Variants in TRPC4 observed in about 807,000 individuals in gnomAD.
The protein encoded by TRPC4 is short transient receptor potential channel 4.
A neutral mutation model predicts 99.4 loss-of-function variants in TRPC4; 49 were observed. That is an observed-to-expected ratio of 0.49 (90% confidence interval 0.39 to 0.63). The LOEUF (loss-of-function observed/expected upper bound fraction) is 0.63. Ranked by LOEUF, TRPC4 falls within the 20% of genes least tolerant of loss-of-function variation. The pLI, the probability that TRPC4 is intolerant of heterozygous loss-of-function variation, is 0.00. For missense variants in TRPC4, 898 were observed against 1,152.9 expected (o/e 0.78, Z 3.20); for synonymous variants, 454 against 425.9 (o/e 1.07, Z -0.81).
Position 37,636,259 on chromosome 13 carries a change from A to T in TRPC4, c.*644T>A, listed in dbSNP as rs1951516430. On this transcript the variant is annotated 3_prime_UTR_variant, in exon 11 of 11. Transcript: ENST00000379705. The stretch of plus-strand genomic sequence containing the variant: ...TAAAAATCATCAGTCATCAAAATGT[A>T]TTAAGACAAACACTTCTTTTACTTA... Among the ~76,000 whole-genome samples, 1 of 152,096 alleles carries T rather than the reference A, an allele frequency of 6.6e-6. No individual in the cohort carries two copies. The highest frequency in any genetic ancestry group is 6.6e-5 in the Admixed American group (1 of 15,244).
At chr13:37,672,524 C>T (rs532947577) in intron 5 of TRPC4, among the ~76,000 whole-genome samples, 5 of 152,270 alleles carry the variant, frequency 3.3e-5, no homozygotes, top group African/African-American at 1.2e-4. Flanking sequence ...GCAAGCCCTC[C>T]TTATGATTCC....
chr13:37,655,909 CTCTTTTACTGATTT>C (rs1952215947), intron 6 of TRPC4, among the ~76,000 whole-genome samples: 1 of 152,062 alleles, frequency 6.6e-6, no homozygotes, highest in African/African-American at 2.4e-5. Flanking sequence ...AAAAAGTTTG[CTCTTTTACTGATTT>C]TGCTTTGGTT....
At chr13:37,779,932 T>A (rs368576134) in intron 2 of TRPC4, among the ~76,000 whole-genome samples, 153 of 152,210 alleles carry the variant, frequency 1.0e-3, no homozygotes, top group Non-Finnish European at 1.5e-3. Context: ...TCCAGATGAT[T>A]TAACTTCATC....
At chr13:37,844,501 G>T (rs1352941883) in intron 1 of TRPC4, among the ~76,000 whole-genome samples, 7 of 151,968 alleles carry the variant, frequency 4.6e-5, no homozygotes, top group African/African-American at 1.7e-4. Context: ...TGCCATGTTG[G>T]TCAGGCTGGT....
chr13:37,744,796 C>T (rs1438028301), intron 3 of TRPC4, among the ~76,000 whole-genome samples: 1 of 152,060 alleles, frequency 6.6e-6, no homozygotes, highest in East Asian at 1.9e-4. Flanking sequence ...TAAGAGTGAA[C>T]AGAGAACCAA....
At chr13:37,861,982 T>C (rs904105496) in intron 1 of TRPC4, among the ~76,000 whole-genome samples, 1 of 151,466 alleles carries the variant, frequency 6.6e-6, no homozygotes, top group Non-Finnish European at 1.5e-5. Context: ...AGGAGGAATG[T>C]ATCTAGTCCA....
In TRPC4 at chr13:37,636,744, G is replaced by A. The variant is rs1951529548; in HGVS notation, c.*159C>T. On this transcript the variant is annotated 3_prime_UTR_variant, in exon 11 of 11. Transcript: ENST00000379705. ...CTACAAAACAAAAAGGTTTTTGATT[G>A]CCTTTGCCTTATTTAAACATGTTAC... 2.0e-6 allele frequency: 2 copies of A among 977,526 alleles called. No homozygotes were observed. Among genetic ancestry groups the A allele is most frequent in the Non-Finnish European group, 2.8e-6 (2 of 717,266 alleles). 60.6% of individuals were successfully genotyped at this position (977,526 alleles called of 1,614,324 possible).
intron 2 of TRPC4, 126 bp downstream of exon 2, chr13:37,782,830 T>C (rs972758908): frequency 2.1e-6 from 2 of 965,342 alleles, no homozygotes; most frequent in Non-Finnish European, 2.9e-6. Flanking sequence ...ATAGTTCAGA[T>C]TTTGAAGCTT....
At chr13:37,687,412 C>T (rs189212460) in intron 4 of TRPC4, among the ~76,000 whole-genome samples, 83 of 152,242 alleles carry the variant, frequency 5.5e-4, no homozygotes, top group African/African-American at 1.8e-3. Context: ...TTGTTACAAT[C>T]GGAGTTAGAA....
At chr13:37,813,204 G>A (rs1274255372) in intron 1 of TRPC4, among the ~76,000 whole-genome samples, 3 of 151,666 alleles carry the variant, frequency 2.0e-5, no homozygotes, top group African/African-American at 7.3e-5. Flanking sequence ...AATTTTATGA[G>A]ATAAATACAA....
intron 3 of TRPC4, among the ~76,000 whole-genome samples, chr13:37,719,435 A>G (rs886318648): frequency 1.4e-4 from 21 of 152,312 alleles, no homozygotes; most frequent in African/African-American, 4.6e-4. Flanking sequence ...ATGTACTACA[A>G]GACATGCTAA....
intron 6 of TRPC4, among the ~76,000 whole-genome samples, chr13:37,659,629 T>C (rs1952362125): frequency 6.6e-6 from 1 of 152,004 alleles, no homozygotes; most frequent in African/African-American, 2.4e-5. Flanking sequence ...GCCTCAGATA[T>C]TAGTTTAGAA....
chr13:37,684,373 T>G (rs1953382455), intron 4 of TRPC4, among the ~76,000 whole-genome samples: 1 of 152,196 alleles, frequency 6.6e-6, no homozygotes, highest in Non-Finnish European at 1.5e-5. Flanking sequence ...TTTTTAAGTT[T>G]ACCAAGAAAG....
chr13:37,773,410 C>G (rs1274474479), intron 2 of TRPC4, among the ~76,000 whole-genome samples: 2 of 151,728 alleles, frequency 1.3e-5, no homozygotes, highest in Admixed American at 6.6e-5. Context: ...TCAAAGAAAA[C>G]ATTTTCTGTA....
chr13:37,685,120 G>A (rs1028376996), intron 4 of TRPC4, among the ~76,000 whole-genome samples: 1 of 152,124 alleles, frequency 6.6e-6, no homozygotes, highest in African/African-American at 2.4e-5. Context: ...CATATCAAAT[G>A]TGCATCTTAA....
At position 37,636,930 on chromosome 13, in the gene TRPC4, G is replaced by C; in HGVS notation, c.2907C>G (p.His969Gln). ...ACAATCTTGTGGTCACGTAATCTTC[G>C]TGGGTGACTGTGTCTGGGAGGTTTA... is the stretch of plus-strand genomic sequence containing the variant. ...YDLNLPDTVT[H>Q]EDYVTTRL The change falls in exon 11 of 11, where the codon CAC becomes CAG. Residue 969 changes from histidine (H) to glutamine (Q), a missense_variant. By Grantham distance (24) the His-to-Gln change is conservative (BLOSUM62 0). Transcript: ENST00000379705. 1 of 1,612,382 alleles carries C rather than the reference G, an allele frequency of 6.2e-7. No individual in the cohort carries two copies. Among genetic ancestry groups the C allele is most frequent in the Non-Finnish European group, 8.5e-7 (1 of 1,179,112 alleles).
chr13:37,688,199 G>A lies in TRPC4; in HGVS notation c.1234+3800C>T, dbSNP rs555768179. On this transcript the variant is annotated intron_variant, in intron 4 of 10. Coordinates refer to ENST00000379705, the MANE Select transcript of TRPC4 (RefSeq NM_016179.4). The stretch of plus-strand genomic sequence containing the variant: ...AATAATTCTGAAAGCTTTGTTGGGC[G>A]GTGAGTTCCAACTTATTGCTGACAC... 7.2e-5 allele frequency among the ~76,000 whole-genome samples: 11 copies of A among 152,240 alleles called. No homozygotes were observed. The South Asian group carries it at 1.7e-3, about 23-fold the overall frequency.
intron 1 of TRPC4, among the ~76,000 whole-genome samples, chr13:37,829,668 A>G (rs1489351606): frequency 6.6e-6 from 1 of 152,230 alleles, no homozygotes; most frequent in Non-Finnish European, 1.5e-5. Flanking sequence ...AAATGAAAAT[A>G]TATGTCACAC....
intron 1 of TRPC4, among the ~76,000 whole-genome samples, chr13:37,868,259 C>A (rs567234611): frequency 3.3e-5 from 5 of 151,252 alleles, no homozygotes; most frequent in African/African-American, 1.2e-4. Flanking sequence ...TCAGAATGAC[C>A]AGTGAGCAAG....
Sources: allele counts gnomAD v4.1 joint callset (sites outside exome capture counted in the v4.1 genomes callset), GRCh38; gene constraint gnomAD v4.1.1; transcripts MANE v1.5; gene names NCBI Gene and HGNC (gene_info 2026-07-23, HGNC 2026-07-21).